The following ABRAXAS1 variants were observed in gnomAD, a reference collection of about 807,000 sequenced individuals.
ABRAXAS1 encodes the protein BRCA1-A complex subunit Abraxas 1.
Under a neutral mutation model 38.4 loss-of-function variants are expected in ABRAXAS1, and 26 were observed. The observed-to-expected ratio is 0.68, with a 90% CI of 0.50 to 0.94. The LOEUF is 0.94. Among genes scored for constraint, ABRAXAS1 ranks in the 40% least tolerant of loss-of-function variants. The pLI, the probability that ABRAXAS1 is intolerant of heterozygous loss-of-function variation, is 0.00. For synonymous variants in ABRAXAS1, 144 were observed against 165.5 expected, an observed-to-expected ratio of 0.87 and a Z score of 1.00; for missense variants, 438 against 481.9, an observed-to-expected ratio of 0.91 and a Z score of 0.85.
chr4:83,462,688 T>A lies in ABRAXAS1; in HGVS notation c.1011A>T (p.Pro337=). 1.2e-6 allele frequency: 2 copies of A among 1,613,628 alleles called. No homozygotes were observed. Among genetic ancestry groups the A allele is most frequent in the Non-Finnish European group, 1.7e-6 (2 of 1,179,966 alleles). ...GCTTAATGATTTGTGGTGTACTAGC[T>A]GGACTAGCTTCAGGAATGTCAGTGT... ...VEHTDIPEAS[P]ASTPQIIKHK... The change falls in exon 9 of 9, where the codon CCA becomes CCT. Residue 337 remains proline (P), a synonymous_variant. Transcript: ENST00000321945.
intron 3 of ABRAXAS1, among the ~76,000 whole-genome samples, chr4:83,473,583 G>A (rs1411453627): frequency 1.3e-5 from 2 of 151,876 alleles, no homozygotes; most frequent in South Asian, 2.1e-4. Flanking sequence ...ACACGGTCTC[G>A]CTCTGTGGTT....
intron 2 of ABRAXAS1, among the ~76,000 whole-genome samples, chr4:83,481,925 T>A (rs922031169): frequency 5.3e-5 from 8 of 152,062 alleles, no homozygotes; most frequent in Non-Finnish European, 1.2e-4. Flanking sequence ...AATTTTTGTA[T>A]TTTTAGTAGA....
chr4:83,476,574 T>A (rs1298974899), intron 3 of ABRAXAS1, 69 bp downstream of exon 3: 26 of 1,111,172 alleles, frequency 2.3e-5, no homozygotes, highest in Non-Finnish European at 3.5e-5. Flanking sequence ...CTGTTAGTTT[T>A]AAAAACTATT....
chr4:83,467,766 C>CA (rs563638972), intron 6 of ABRAXAS1, among the ~76,000 whole-genome samples: 24 of 151,960 alleles, frequency 1.6e-4, no homozygotes, highest in Admixed American at 9.2e-4. Context: ...CCAGGTCTCC[C>CA]AAAAAGGCGA....
intron 7 of ABRAXAS1, among the ~76,000 whole-genome samples, chr4:83,465,721 G>A (rs980831301): frequency 6.6e-6 from 1 of 152,186 alleles, no homozygotes; most frequent in African/African-American, 2.4e-5. Flanking sequence ...CCAAGAGGTG[G>A]TGGTTGTAGT....
At chr4:83,465,767 A>C (rs927132246) in intron 7 of ABRAXAS1, among the ~76,000 whole-genome samples, 1 of 152,194 alleles carries the variant, frequency 6.6e-6, no homozygotes, top group Non-Finnish European at 1.5e-5. Context: ...CAGCCTGGGT[A>C]ACAGAGCAAG....
At chr4:83,483,396 T>C (rs148981135) in intron 1 of ABRAXAS1, among the ~76,000 whole-genome samples, 1,621 of 151,264 alleles carry the variant, frequency 0.011, 26 homozygotes, top group African/African-American at 0.038. Flanking sequence ...TCCTGCTGCC[T>C]CAGCCTTCCA....
intron 7 of ABRAXAS1, among the ~76,000 whole-genome samples, chr4:83,466,548 T>A (rs2110036561): frequency 6.6e-6 from 1 of 152,088 alleles, no homozygotes; most frequent in East Asian, 1.9e-4. Context: ...AGTTTTTTTT[T>A]TTTTTGAGAC....
intron 3 of ABRAXAS1, among the ~76,000 whole-genome samples, chr4:83,476,021 G>A (rs1039862241): frequency 1.3e-5 from 2 of 152,136 alleles, no homozygotes; most frequent in African/African-American, 4.8e-5. Context: ...GGGCAACATG[G>A]CAAAACCCTG....
chr4:83,482,709 T>C (rs930951560), intron 1 of ABRAXAS1, among the ~76,000 whole-genome samples: 3 of 151,616 alleles, frequency 2.0e-5, no homozygotes, highest in Admixed American at 2.0e-4. Context: ...AGAAAAAAAG[T>C]AGAAATAAAG....
At chr4:83,475,770 AT>A (rs1722742732) in intron 3 of ABRAXAS1, among the ~76,000 whole-genome samples, 1 of 128,978 alleles carries the variant, frequency 7.8e-6, no homozygotes, top group African/African-American at 2.5e-5. Context: ...AAATTCATTT[AT>A]TTGTGTACTT....
chr4:83,461,664 T>C lies in ABRAXAS1; in HGVS notation c.*805A>G, dbSNP rs1207916090. The C allele has an allele frequency of 1.9e-5, 5 of 260,416 alleles. No homozygotes were observed. Among genetic ancestry groups the C allele is most frequent in the African/African-American group, 6.5e-5 (3 of 46,322 alleles). The allele number at this position is 260,416 out of a possible 1,614,324, so 16.1% of individuals were successfully genotyped here. ...AGAGATGATTTACACCTAATAGACA[T>C]TGAATATGATAGACATACATGTATA... On this transcript the variant is annotated 3_prime_UTR_variant, in exon 9 of 9. Coordinates refer to ENST00000321945, the MANE Select transcript of ABRAXAS1 (RefSeq NM_139076.3).
chr4:83,478,090 G>C lies in ABRAXAS1; in HGVS notation c.179-1411C>G, dbSNP rs1722851820. ...ATGCTGCCATCGTTGTGGGAGTAGAGCTACCAGTCTATGATTTTACTAAGA... is the reference window on the plus strand; with the variant it reads ...ATGCTGCCATCGTTGTGGGAGTAGACCTACCAGTCTATGATTTTACTAAGA... On this transcript the variant is annotated intron_variant, in intron 2 of 8. Transcript: ENST00000321945. The C allele has an allele frequency of 3.4e-6, 3 of 887,470 alleles. No individual in the cohort carries two copies. In the East Asian group the frequency reaches 8.8e-5, roughly 26 times the overall value. The allele number at this position is 887,470 out of a possible 1,614,324, so 55.0% of individuals were successfully genotyped here.
chr4:83,482,909 C>T (rs996572432), intron 1 of ABRAXAS1, among the ~76,000 whole-genome samples: 1 of 152,122 alleles, frequency 6.6e-6, no homozygotes. Flanking sequence ...GAAATGAGCA[C>T]ACACTGAAGA....
At chr4:83,484,046 T>C (rs1379688119) in intron 1 of ABRAXAS1, 2 of 981,910 alleles carry the variant, frequency 2.0e-6, no homozygotes, top group Admixed American at 6.1e-5. Flanking sequence ...ATGTTTAGAT[T>C]TTGTAGAGAC....
In ABRAXAS1 at chr4:83,462,104, G is replaced by C. The variant is rs763885962; in HGVS notation, c.*365C>G. ...GACATGGTCTCAATACGTTGCCCAG[G>C]CTGGTCTCTAACTCCTAACTTCAAT... is the stretch of plus-strand genomic sequence containing the variant. On this transcript the variant is annotated 3_prime_UTR_variant, in exon 9 of 9. Transcript: ENST00000321945. 8.2e-6 allele frequency: 2 copies of C among 243,614 alleles called. No individual in the cohort carries two copies. The highest frequency in any genetic ancestry group is 1.6e-5 in the Non-Finnish European group (2 of 125,970). The allele number at this position is 243,614 out of a possible 1,614,324, so 15.1% of individuals were successfully genotyped here.
chr4:83,462,299 G>C lies in ABRAXAS1; in HGVS notation c.*170C>G. The C allele has an allele frequency of 1.7e-6, 1 of 601,832 alleles. No individual in the cohort carries two copies. The highest frequency in any genetic ancestry group is 2.8e-6 in the Non-Finnish European group (1 of 351,416). The allele number at this position is 601,832 out of a possible 1,614,324, so 37.3% of individuals were successfully genotyped here. On this transcript the variant is annotated 3_prime_UTR_variant, in exon 9 of 9. Coordinates refer to ENST00000321945, the MANE Select transcript of ABRAXAS1 (RefSeq NM_139076.3). The stretch of plus-strand genomic sequence containing the variant: ...ATAAAAGCATCTGATGTTTGAAAAA[G>C]TACTTTGTGAAGTAAATGCACTAAG...
intron 3 of ABRAXAS1, among the ~76,000 whole-genome samples, chr4:83,473,454 A>G (rs1015140853): frequency 1.3e-5 from 2 of 152,156 alleles, no homozygotes; most frequent in Admixed American, 1.3e-4. Flanking sequence ...ACTGCACATC[A>G]TCTCTGGAAG....
At chr4:83,484,187 G>A (rs1723095395) in intron 1 of ABRAXAS1, 1 of 985,018 alleles carries the variant, frequency 1.0e-6, no homozygotes, top group Non-Finnish European at 1.2e-6. Context: ...GCAATTTTGA[G>A]TAAAATAGAC....
Sources: gnomAD v4.1 joint callset for allele counts (sites outside exome capture counted in the v4.1 genomes callset) on GRCh38, gnomAD v4.1.1 for gene constraint, MANE v1.5 for transcripts, NCBI Gene and HGNC (gene_info 2026-07-23, HGNC 2026-07-21) for gene names.